CITED1: variants seen among roughly 807,000 people sequenced by gnomAD.
CITED1 encodes Cbp/p300 interacting transactivator with ED-rich tail 1.
In CITED1, 3 loss-of-function variants were observed where a neutral mutation model predicts 8.5. The ratio of observed to expected loss-of-function variants is 0.35; its 90% CI spans 0.16 to 0.91. The LOEUF is 0.91. Ranked by LOEUF, CITED1 falls within the 40% of genes least tolerant of loss-of-function variation. The pLI, the probability that CITED1 is intolerant of heterozygous loss-of-function variation, is 0.46. For synonymous variants in CITED1, 54 were observed against 67.4 expected, an observed-to-expected ratio of 0.80 and a Z score of 0.97; for missense variants, 113 against 154.8, an observed-to-expected ratio of 0.73 and a Z score of 1.43.
At position 72,301,918 on chromosome X, in the gene CITED1, C is replaced by T. The variant is rs1327563957; in HGVS notation, c.387G>A (p.Gln129=). The T allele has an allele frequency of 8.3e-7, 1 of 1,210,927 alleles. No homozygotes were observed. The highest frequency in any genetic ancestry group is 1.7e-5 in the African/African-American group (1 of 57,387). ...GAGAGAGTGATTCTGCCCCTCCCGC[C>T]TGGGCCCCAAAGTCCCAGTTTTGCA... ...GPLQNWDFGA[Q]AGGAESLSPS... The change falls in exon 3 of 3, where the codon CAG becomes CAA. Residue 129 remains glutamine, a synonymous_variant. Coordinates refer to ENST00000651998, the MANE Select transcript of CITED1 (RefSeq NM_001144887.2).
chrX:72,302,993 T>G (rs1255089416), intron 1 of CITED1, 59 bp from the exon 2 acceptor site: 2 of 1,168,992 alleles, frequency 1.7e-6, no homozygotes, highest in Admixed American at 2.4e-5. Flanking sequence ...AACAAAGCAC[T>G]AGCAAAGCCC....
chrX:72,301,695 A>T lies in CITED1; in HGVS notation c.*28T>A. 2.5e-6 allele frequency: 3 copies of T among 1,203,178 alleles called. No homozygotes were observed. Among genetic ancestry groups the T allele is most frequent in the Non-Finnish European group, 3.4e-6 (3 of 889,974 alleles). On this transcript the variant is annotated 3_prime_UTR_variant, in exon 3 of 3. Transcript: ENST00000651998. Reference sequence around the variant, plus strand: ...TATTTACAACAGAATTGGTGGCTTTATTCCTCCATCTTTAGGGACACTTGG... The same window carrying T: ...TATTTACAACAGAATTGGTGGCTTTTTTCCTCCATCTTTAGGGACACTTGG...
intron 1 of CITED1, among the ~76,000 whole-genome samples, chrX:72,305,017 C>T (rs2043322437): frequency 8.8e-6 from 1 of 113,245 alleles, no homozygotes; most frequent in Non-Finnish European, 1.9e-5. Flanking sequence ...GCGGAAACGT[C>T]CCAGCCCGCT....
Position 72,301,792 on chromosome X carries a change from A to G in CITED1, c.513T>C (p.Asn171=), listed in dbSNP as rs749003178. ...GCCCCAGCCACAGCTCCGGAAGCTC[A>G]TTGGCTCGGTCCAACCCCAGTTCCA... ...LVVELGLDRA[N]ELPELWLGQN... Residue 171 remains asparagine (N), a synonymous_variant, in exon 3 of 3, where the codon AAT becomes AAC. Coordinates refer to ENST00000651998, the MANE Select transcript of CITED1 (RefSeq NM_001144887.2). The G allele has an allele frequency of 1.7e-6, 2 of 1,210,665 alleles. No individual in the cohort carries two copies. The highest frequency in any genetic ancestry group is 2.2e-6 in the Non-Finnish European group (2 of 894,450).
chrX:72,302,943 G>A lies in CITED1; in HGVS notation c.-65-9C>T, dbSNP rs1288446681. 4 of 1,205,416 alleles carry A rather than the reference G, an allele frequency of 3.3e-6. No homozygotes were observed. Among genetic ancestry groups the A allele is most frequent in the Non-Finnish European group, 4.5e-6 (4 of 892,651 alleles). ...CAGCTGGAGCTGTTGTGCTGCAAGTGAGGAAGAAGCAGTGGTAAGGGCAAA... is the reference window on the plus strand; with the variant it reads ...CAGCTGGAGCTGTTGTGCTGCAAGTAAGGAAGAAGCAGTGGTAAGGGCAAA... On this transcript the variant is annotated splice_polypyrimidine_tract_variant and intron_variant, in intron 1 of 2. Coordinates refer to ENST00000651998, the MANE Select transcript of CITED1 (RefSeq NM_001144887.2).
rs1343319075 is a variant in CITED1 at position 72,302,213 on chromosome X, T to A, written c.92A>T (p.Tyr31Phe). The A allele has an allele frequency of 8.3e-7, 1 of 1,205,392 alleles. No homozygotes were observed. The highest frequency in any genetic ancestry group is 1.7e-5 in the African/African-American group (1 of 57,181). Residue 31 changes from tyrosine (Y) to phenylalanine (F), a missense_variant, in exon 3 of 3, where the codon TAC (tyrosine) becomes TTC (phenylalanine). By Grantham distance (22) the Tyr-to-Phe change is conservative. Transcript: ENST00000651998. ...GCGATCTTTCACCGCAAGGTTGGAG[T>A]AGGCCACGGAGCTCATCTCTTGGTT... The part of the protein sequence containing the change: ...DANQEMSSVA[Y>F]SNLAVKDRKA...
chrX:72,302,122 G>A lies in CITED1; in HGVS notation c.183C>T (p.Pro61=). Residue 61 remains proline (P), a synonymous_variant, in exon 3 of 3, where the codon CCC becomes CCT. Transcript: ENST00000651998. ...CTATTGGAGATCCCGAGGAACTAGT[G>A]GGAGCCCCACTGGCCTTGGTTCCAT... The part of the protein sequence containing the change: ...ASNGTKASGA[P]TSSSGSPIGS... The A allele has an allele frequency of 8.4e-7, 1 of 1,190,341 alleles. No homozygotes were observed.
Position 72,301,869 on chromosome X carries a change from C to T in CITED1, c.436G>A (p.Ala146Thr). 1.6e-6 allele frequency: 2 copies of T among 1,212,166 alleles called. No individual in the cohort carries two copies. The highest frequency in any genetic ancestry group is 3.5e-5 in the African/African-American group (2 of 57,863). The change falls in exon 3 of 3, where the codon GCT (alanine) becomes ACT (threonine). Residue 146 changes from alanine (A) to threonine (T), a missense_variant. Physicochemically the swap from Ala to Thr is moderately conservative, Grantham distance 58. Coordinates refer to ENST00000651998, the MANE Select transcript of CITED1 (RefSeq NM_001144887.2). ...LSPSAGAQSP[A>T]IIDSDPVDEE... ...TCCACTGGGTCCGAATCGATGATAG[C>T]AGGGCTCTGGGCACCAGCAGAAGGA...
In CITED1 at chrX:72,301,860, C is replaced by T. The variant is rs760475507; in HGVS notation, c.445G>A (p.Asp149Asn). The T allele has an allele frequency of 5.0e-6, 6 of 1,210,423 alleles. No homozygotes were observed. The African/African-American group carries it at 5.2e-5, about 11-fold the overall frequency. The change falls in exon 3 of 3, where the codon GAT becomes AAT. Residue 149 changes from aspartate (D) to asparagine (N), a missense_variant. Transcript: ENST00000651998. ...SAGAQSPAII[D>N]SDPVDEEVLM... ...ACTTCCTCATCCACTGGGTCCGAAT[C>T]GATGATAGCAGGGCTCTGGGCACCA...
chrX:72,303,326 A>G, intron 1 of CITED1, among the ~76,000 whole-genome samples: 1 of 112,655 alleles, frequency 8.9e-6, no homozygotes, highest in African/African-American at 3.2e-5. Context: ...TCCAGGCTGG[A>G]GAGTTGGGGC....
chrX:72,306,364 G>A (rs2043339629), upstream of CITED1: 1 of 110,900 alleles, frequency 9.0e-6, no homozygotes, highest in Admixed American at 9.4e-5. Context: ...CAGAAAGCAA[G>A]TCTCCCCAGA....
At position 72,305,898 on chromosome X, in the gene CITED1, C is replaced by T. The variant is rs1294139901; in HGVS notation, c.-139G>A. ...TCTCTCTGACTCCAAGTCCGGTGCT[C>T]TGCGAAGCAGGGACTCGGCGCGCGG... On this transcript the variant is annotated 5_prime_UTR_variant, in exon 1 of 3. Transcript: ENST00000651998. 1 of 112,665 alleles carries T rather than the reference C, an allele frequency of 8.9e-6. No homozygotes were observed. Among genetic ancestry groups the T allele is most frequent in the Non-Finnish European group, 1.9e-5 (1 of 53,608 alleles). 9.3% of individuals were successfully genotyped at this position (112,665 alleles called of 1,213,427 possible). A position where few individuals can be genotyped will look rare whatever the true frequency, so the allele number is the denominator to read the frequency against.
At chrX:72,306,019 G>GT (rs2043336029), upstream of CITED1, 1 of 111,574 alleles carries the variant, frequency 9.0e-6, no homozygotes, top group Non-Finnish European at 1.9e-5. Flanking sequence ...CGACTGGGCA[G>GT]TAGAGGCAAG....
chrX:72,305,519 G>A (rs1161757576), intron 1 of CITED1: 4 of 404,282 alleles, frequency 9.9e-6, no homozygotes, highest in South Asian at 7.1e-5. Flanking sequence ...TCCCTTGCAC[G>A]GCGGGCGCGT....
chrX:72,305,336 CAGAA>C, intron 1 of CITED1: 1 of 1,161,681 alleles, frequency 8.6e-7, no homozygotes, highest in Non-Finnish European at 1.2e-6. Context: ...TTTTCTCACT[CAGAA>C]GGAGAAATTT....
At chrX:72,302,522 C>T (rs1325153595) in intron 2 of CITED1, among the ~76,000 whole-genome samples, 1 of 112,119 alleles carries the variant, frequency 8.9e-6, no homozygotes, top group African/African-American at 3.2e-5. Flanking sequence ...ACCTCACCAT[C>T]CTAAAAAGGG....
intron 2 of CITED1, 79 bp downstream of exon 2, chrX:72,302,731 A>G: frequency 2.3e-6 from 2 of 852,914 alleles, no homozygotes; most frequent in Admixed American, 5.3e-5. Context: ...GACACTGGGT[A>G]ATGCACCTAG....
chrX:72,302,357 G>T, intron 2 of CITED1, 113 bp from the exon 3 acceptor site: 1 of 918,134 alleles, frequency 1.1e-6, no homozygotes, highest in Non-Finnish European at 1.5e-6. Context: ...GAGGTGGAGA[G>T]GTAGCAAGAC....
At chrX:72,305,193 C>T in intron 1 of CITED1, 1 of 765,894 alleles carries the variant, frequency 1.3e-6, no homozygotes, top group Non-Finnish European at 1.9e-6. Flanking sequence ...CGAGCAGCCC[C>T]CTCCCGCCTA....
Sources: gnomAD v4.1 joint callset for allele counts (sites outside exome capture counted in the v4.1 genomes callset) on GRCh38, gnomAD v4.1.1 for gene constraint, MANE v1.5 for transcripts, NCBI Gene and HGNC (gene_info 2026-07-23, HGNC 2026-07-21) for gene names.